UBE2U: variants seen among roughly 807,000 people sequenced by gnomAD.
The protein encoded by UBE2U is ubiquitin conjugating enzyme E2 U.
Under a neutral mutation model 41.2 loss-of-function variants are expected in UBE2U, and 39 were observed. The ratio of observed to expected loss-of-function variants is 0.95; its 90% confidence interval spans 0.73 to 1.24. The LOEUF (loss-of-function observed/expected upper bound fraction) is 1.24. Among genes scored for constraint, UBE2U ranks in the 50% most tolerant of loss-of-function variants. UBE2U has a pLI of 0.00. For synonymous variants in UBE2U, 107 were observed against 117.8 expected, an observed-to-expected ratio of 0.91 and a Z score of 0.60; for missense variants, 336 against 363.1, an observed-to-expected ratio of 0.93 and a Z score of 0.61.
intron 8 of UBE2U, among the ~76,000 whole-genome samples, chr1:64,243,945 G>A (rs1644877249): frequency 6.6e-6 from 1 of 152,028 alleles, no homozygotes; most frequent in South Asian, 2.1e-4. Context: ...GATTTTTTTT[G>A]TGCCTCAGAT....
At chr1:64,207,381 C>T (rs1651365391) in intron 3 of UBE2U, among the ~76,000 whole-genome samples, 1 of 152,184 alleles carries the variant, frequency 6.6e-6, no homozygotes, top group South Asian at 2.1e-4. Flanking sequence ...GAACTCCTGA[C>T]CATCCGCCCA....
chr1:64,260,084 G>A (rs971157139), intron 8 of UBE2U, among the ~76,000 whole-genome samples: 4 of 152,016 alleles, frequency 2.6e-5, no homozygotes, highest in African/African-American at 7.3e-5. Context: ...AGAGACTGGA[G>A]TGATGCAGCT....
At chr1:64,206,890 C>A in intron 3 of UBE2U, 34 bp downstream of exon 3, 2 of 1,221,436 alleles carry the variant, frequency 1.6e-6, no homozygotes, top group Non-Finnish European at 2.4e-6. Flanking sequence ...TCATTAGAGG[C>A]TTTGTCCCTA....
intron 7 of UBE2U, among the ~76,000 whole-genome samples, chr1:64,233,132 C>A (rs528872660): frequency 3.3e-5 from 5 of 152,116 alleles, no homozygotes; most frequent in African/African-American, 1.2e-4. Context: ...CTCAGCCTCT[C>A]GAGTAGCTGG....
At chr1:64,239,384 T>A (rs1205760021) in intron 7 of UBE2U, among the ~76,000 whole-genome samples, 2 of 152,090 alleles carry the variant, frequency 1.3e-5, no homozygotes, top group Non-Finnish European at 1.5e-5. Context: ...TTAATTATTA[T>A]TATACTTTAA....
chr1:64,222,954 G>A (rs1300759576), intron 6 of UBE2U, among the ~76,000 whole-genome samples: 1 of 152,158 alleles, frequency 6.6e-6, no homozygotes, highest in African/African-American at 2.4e-5. Flanking sequence ...GAATCTAGTT[G>A]ATGTTCAGGA....
At chr1:64,219,535 C>T (rs1321672270) in intron 5 of UBE2U, among the ~76,000 whole-genome samples, 1 of 151,130 alleles carries the variant, frequency 6.6e-6, no homozygotes, top group African/African-American at 2.4e-5. Context: ...CCTATTGACT[C>T]TTCTAGATCT....
chr1:64,243,535 C>T (rs1443923162), intron 8 of UBE2U, among the ~76,000 whole-genome samples: 1 of 152,110 alleles, frequency 6.6e-6, no homozygotes, highest in African/African-American at 2.4e-5. Flanking sequence ...AAGCATCTCT[C>T]AGTTTTTAAT....
chr1:64,216,066 C>T (rs1466153106), intron 5 of UBE2U, among the ~76,000 whole-genome samples: 1 of 152,198 alleles, frequency 6.6e-6, no homozygotes, highest in East Asian at 1.9e-4. Flanking sequence ...TTTCTGTTTC[C>T]CTTCCAGGAC....
At chr1:64,233,289 G>T (rs1644605635) in intron 7 of UBE2U, among the ~76,000 whole-genome samples, 1 of 152,168 alleles carries the variant, frequency 6.6e-6, no homozygotes, top group South Asian at 2.1e-4. Flanking sequence ...TTACAGGCGT[G>T]AGCCACCACA....
rs1653024690 is a variant in UBE2U at position 64,228,379 on chromosome 1, C to T, written c.507-4182C>T. Reference sequence around the variant, plus strand: ...GCAACCACAATGTCCACTGTGACAACCTTCATAAGCAAAATATTTTTACTG... The same window carrying T: ...GCAACCACAATGTCCACTGTGACAATCTTCATAAGCAAAATATTTTTACTG... On this transcript the variant is annotated intron_variant, in intron 6 of 9. Coordinates refer to ENST00000371077, the MANE Select transcript of UBE2U (RefSeq NM_001366232.2). Among the ~76,000 whole-genome samples the T allele has an allele frequency of 3.3e-5, 5 of 152,154 alleles. No individual in the cohort carries two copies. In the South Asian group the frequency reaches 1.0e-3, roughly 32 times the overall value.
chr1:64,259,918 C>G (rs552327980), intron 8 of UBE2U, among the ~76,000 whole-genome samples: 1 of 151,786 alleles, frequency 6.6e-6, no homozygotes, highest in East Asian at 1.9e-4. Context: ...AGCATATGAC[C>G]TTATTTCAAA....
chr1:64,227,678 T>C (rs1652970305), intron 6 of UBE2U, among the ~76,000 whole-genome samples: 1 of 152,068 alleles, frequency 6.6e-6, no homozygotes, highest in South Asian at 2.1e-4. Context: ...GGCACATGCC[T>C]GTGGTCCCAG....
At chr1:64,253,887 T>A (rs1645050648) in intron 8 of UBE2U, among the ~76,000 whole-genome samples, 1 of 152,162 alleles carries the variant, frequency 6.6e-6, no homozygotes, top group Non-Finnish European at 1.5e-5. Flanking sequence ...AGCATCATGA[T>A]GACAGGATCA....
In UBE2U at chr1:64,203,740, G is replaced by A; in HGVS notation, c.-311G>A. ...TCCCACTCACGCGCCGACGACATGG[G>A]CTTGTCTCCGTTACTCATCCAAGTT... On this transcript the variant is annotated 5_prime_UTR_variant, in exon 1 of 10. Transcript: ENST00000371077. The A allele has an allele frequency of 3.6e-6, 1 of 277,642 alleles. No homozygotes were observed. Among genetic ancestry groups the A allele is most frequent in the Non-Finnish European group, 6.7e-6 (1 of 149,038 alleles). 17.2% of individuals were successfully genotyped at this position (277,642 alleles called of 1,614,324 possible).
intron 7 of UBE2U, among the ~76,000 whole-genome samples, chr1:64,241,022 A>G (rs1259953462): frequency 6.6e-6 from 1 of 152,242 alleles, no homozygotes; most frequent in Non-Finnish European, 1.5e-5. Context: ...TTAAAAACAG[A>G]TAAGTGATCT....
intron 7 of UBE2U, among the ~76,000 whole-genome samples, chr1:64,241,318 G>C (rs897352134): frequency 6.6e-6 from 1 of 152,058 alleles, no homozygotes; most frequent in African/African-American, 2.4e-5. Flanking sequence ...ACTCCATTTT[G>C]TTTGGTCTGT....
intron 8 of UBE2U, chr1:64,244,109 T>G (rs1235582573): frequency 6.4e-7 from 1 of 1,570,956 alleles, no homozygotes; most frequent in African/African-American, 1.4e-5. Flanking sequence ...AACTTTACTG[T>G]GGCCCTCATT....
At chr1:64,260,568 C>A (rs1269150226) in intron 8 of UBE2U, 35 bp from the exon 9 acceptor site, 1 of 1,498,884 alleles carries the variant, frequency 6.7e-7, no homozygotes. Flanking sequence ...TACCAAAATT[C>A]ATTTGGGAAT....
Sources: gnomAD v4.1 joint callset for allele counts (sites outside exome capture counted in the v4.1 genomes callset) on GRCh38, gnomAD v4.1.1 for gene constraint, MANE v1.5 for transcripts, NCBI Gene and HGNC (gene_info 2026-07-23, HGNC 2026-07-21) for gene names.